The following SCHIP1 variants were observed in gnomAD, a reference collection of about 807,000 sequenced individuals.
SCHIP1 encodes schwannomin-interacting protein 1.
Under a neutral mutation model 29.7 loss-of-function variants are expected in SCHIP1, and 8 were observed. The observed-to-expected ratio is 0.27, with a 90% CI of 0.16 to 0.49. The LOEUF (loss-of-function observed/expected upper bound fraction) is 0.49, where lower values mean the gene tolerates loss of function less well. SCHIP1 is among the 20% of genes least tolerant of loss of function. The pLI, the probability that SCHIP1 is intolerant of heterozygous loss-of-function variation, is 0.99. For synonymous variants in SCHIP1, 76 were observed against 94.9 expected (o/e 0.80, Z 1.16); for missense variants, 193 against 294.6 (o/e 0.66, Z 2.52).
the SCHIP1 span, among the ~76,000 whole-genome samples, chr3:159,703,953 T>C: frequency 0.031 from 4,650 of 152,282 alleles, 115 homozygotes; most frequent in East Asian, 0.06. Context: ...GAGAAGTTCT[T>C]CTTGACTCAA....
intron 2 of SCHIP1, among the ~76,000 whole-genome samples, chr3:159,867,591 C>G (rs1714752155): frequency 6.6e-6 from 1 of 152,180 alleles, no homozygotes; most frequent in African/African-American, 2.4e-5. Flanking sequence ...GGTGCCAGCT[C>G]TGTCTCAGAA....
the SCHIP1 span, among the ~76,000 whole-genome samples, chr3:159,702,883 T>C: frequency 6.6e-6 from 1 of 152,200 alleles, no homozygotes; most frequent in African/African-American, 2.4e-5. Context: ...AATAGCAAAA[T>C]TTTGTGATGA....
At chr3:159,458,645 T>C in the SCHIP1 span, among the ~76,000 whole-genome samples, 6 of 152,162 alleles carry the variant, frequency 3.9e-5, no homozygotes, top group South Asian at 1.2e-3. Context: ...GTTTTCTGGA[T>C]TGAAGCCAAA....
the SCHIP1 span, among the ~76,000 whole-genome samples, chr3:159,828,867 A>G: frequency 0.06 from 9,171 of 152,252 alleles, 872 homozygotes; most frequent in African/African-American, 0.2. Flanking sequence ...ACATACACGC[A>G]TGCACACAAA....
intron 1 of SCHIP1, among the ~76,000 whole-genome samples, chr3:159,863,925 G>T (rs551594123): frequency 6.6e-6 from 1 of 152,236 alleles, no homozygotes; most frequent in South Asian, 2.1e-4. Context: ...TCATACCCTG[G>T]GATAAGAGTT....
At chr3:159,450,774 G>A in the SCHIP1 span, among the ~76,000 whole-genome samples, 5 of 146,922 alleles carry the variant, frequency 3.4e-5, no homozygotes, top group East Asian at 8.0e-4. Flanking sequence ...ATTTGAAAAT[G>A]TTCAAAATAC....
At chr3:159,688,253 C>A in the SCHIP1 span, among the ~76,000 whole-genome samples, 2 of 152,210 alleles carry the variant, frequency 1.3e-5, no homozygotes, top group African/African-American at 4.8e-5. Flanking sequence ...CACATCCTCT[C>A]CAGCATCAGT....
the SCHIP1 span, among the ~76,000 whole-genome samples, chr3:159,768,848 G>A: frequency 6.6e-6 from 1 of 152,154 alleles, no homozygotes; most frequent in Non-Finnish European, 1.5e-5. Flanking sequence ...ACAAATAAAT[G>A]CTTGAAACAT....
the SCHIP1 span, among the ~76,000 whole-genome samples, chr3:159,613,507 C>A: frequency 6.6e-6 from 1 of 152,178 alleles, no homozygotes; most frequent in African/African-American, 2.4e-5. Context: ...AAACTTCAAA[C>A]ATTGTTTAAA....
At chr3:159,687,544 C>T in the SCHIP1 span, among the ~76,000 whole-genome samples, 1 of 152,130 alleles carries the variant, frequency 6.6e-6, no homozygotes, top group Non-Finnish European at 1.5e-5. Context: ...AAAAATTTCT[C>T]TTATTCAGAA....
the SCHIP1 span, among the ~76,000 whole-genome samples, chr3:159,287,176 A>G: frequency 6.6e-6 from 1 of 152,008 alleles, no homozygotes; most frequent in East Asian, 1.9e-4. Flanking sequence ...CTCCTAGGTT[A>G]TCTTCCCTTG....
the SCHIP1 span, among the ~76,000 whole-genome samples, chr3:159,706,179 T>A: frequency 6.6e-6 from 1 of 152,204 alleles, no homozygotes; most frequent in East Asian, 1.9e-4. Context: ...TCTGTGGTTT[T>A]TTTCAGCCTA....
chr3:159,482,023 A>G, the SCHIP1 span, among the ~76,000 whole-genome samples: 1 of 152,144 alleles, frequency 6.6e-6, no homozygotes, highest in Non-Finnish European at 1.5e-5. Context: ...GCGTATGTGT[A>G]TATGCATGGG....
the SCHIP1 span, among the ~76,000 whole-genome samples, chr3:159,299,647 C>G: frequency 6.6e-6 from 1 of 152,202 alleles, no homozygotes; most frequent in South Asian, 2.1e-4. Context: ...GCTTCTGTTG[C>G]CATTGCATTA....
chr3:159,518,254 A>C, the SCHIP1 span, among the ~76,000 whole-genome samples: 2 of 152,126 alleles, frequency 1.3e-5, no homozygotes. Context: ...ACACCTATGA[A>C]AGTGAGACAC....
At chr3:159,364,665 C>G in the SCHIP1 span, among the ~76,000 whole-genome samples, 3 of 152,200 alleles carry the variant, frequency 2.0e-5, no homozygotes, top group Non-Finnish European at 4.4e-5. Flanking sequence ...AATGTCACCT[C>G]TGCAAGTTTG....
At chr3:159,642,066 C>CT in the SCHIP1 span, among the ~76,000 whole-genome samples, 6 of 152,046 alleles carry the variant, frequency 3.9e-5, no homozygotes, top group Admixed American at 3.3e-4. Context: ...CTTATGGACT[C>CT]TGTGATCAGT....
the SCHIP1 span, among the ~76,000 whole-genome samples, chr3:159,727,187 T>C: frequency 1.3e-5 from 2 of 152,220 alleles, no homozygotes; most frequent in African/African-American, 4.8e-5. Flanking sequence ...TGCTGCAGAA[T>C]CTTTTCTAAA....
the SCHIP1 span, among the ~76,000 whole-genome samples, chr3:159,697,919 T>C: frequency 3.9e-5 from 6 of 152,244 alleles, no homozygotes; most frequent in Non-Finnish European, 5.9e-5. Context: ...AAATTTGATA[T>C]ATGTATTTGT....
Sources: gnomAD v4.1 joint callset for allele counts (sites outside exome capture counted in the v4.1 genomes callset) on GRCh38, gnomAD v4.1.1 for gene constraint, MANE v1.5 for transcripts, NCBI Gene and HGNC (gene_info 2026-07-23, HGNC 2026-07-21) for gene names.